PDZD8: variants seen among roughly 807,000 people sequenced by gnomAD.
The protein encoded by PDZD8 is PDZ domain containing 8.
A neutral mutation model predicts 85.8 loss-of-function variants in PDZD8; 14 were observed. The ratio of observed to expected loss-of-function variants is 0.16; its 90% CI spans 0.11 to 0.26. The LOEUF (loss-of-function observed/expected upper bound fraction) is 0.26, where lower values mean the gene tolerates loss of function less well. Ranked by LOEUF, PDZD8 falls within the 10% of genes least tolerant of loss-of-function variation. The pLI, the probability that PDZD8 is intolerant of heterozygous loss-of-function variation, is 1.00. For synonymous variants in PDZD8, 592 were observed against 568.6 expected (o/e 1.04, Z -0.59); for missense variants, 1,197 against 1,424.3 (o/e 0.84, Z 2.57).
chr10:117,370,249 C>T (rs1238815108), intron 1 of PDZD8, among the ~76,000 whole-genome samples: 1 of 152,090 alleles, frequency 6.6e-6, no homozygotes, highest in Non-Finnish European at 1.5e-5. Flanking sequence ...AAATGTTTTA[C>T]AAACATTGTA....
intron 2 of PDZD8, among the ~76,000 whole-genome samples, chr10:117,337,525 G>A (rs2133840830): frequency 6.6e-6 from 1 of 152,240 alleles, no homozygotes; most frequent in Middle Eastern, 3.4e-3. Context: ...TATTGCTTGG[G>A]AAATGCGAAA....
Position 117,284,869 on chromosome 10 carries a change from C to G in PDZD8, c.1864G>C (p.Val622Leu). The G allele has an allele frequency of 6.2e-7, 1 of 1,614,150 alleles. No homozygotes were observed. Among genetic ancestry groups the G allele is most frequent in the South Asian group, 1.1e-5 (1 of 91,078 alleles). ...PDVLVEKPEKVVPPPLVDKSA... is the reference protein window; with the variant it reads ...PDVLVEKPEKLVPPPLVDKSA... ...TTATCTACAAGAGGAGGTGGCACCACCTTCTCTGGCTTTTCAACGAGAACA... is the reference window on the plus strand; with the variant it reads ...TTATCTACAAGAGGAGGTGGCACCAGCTTCTCTGGCTTTTCAACGAGAACA... Residue 622 changes from valine (V) to leucine (L), a missense_variant, in exon 5 of 5, where the codon GTG becomes CTG. Coordinates refer to ENST00000334464, the MANE Select transcript of PDZD8 (RefSeq NM_173791.5).
intron 2 of PDZD8, among the ~76,000 whole-genome samples, chr10:117,337,279 A>G (rs1225153530): frequency 6.6e-6 from 1 of 152,248 alleles, no homozygotes; most frequent in Non-Finnish European, 1.5e-5. Flanking sequence ...ACTATAAATT[A>G]TAAATTTAAA....
intron 4 of PDZD8, 29 bp from the exon 5 acceptor site, chr10:117,285,500 T>A: frequency 4.6e-6 from 7 of 1,519,750 alleles, no homozygotes; most frequent in Non-Finnish European, 6.2e-6. Flanking sequence ...AGGGAAAACA[T>A]GTAAATTATT....
chr10:117,305,467 C>T (rs553127813), intron 3 of PDZD8, among the ~76,000 whole-genome samples: 3 of 105,340 alleles, frequency 2.8e-5, no homozygotes, highest in African/African-American at 6.8e-5. Context: ...TATATACACA[C>T]ACATACACAC....
chr10:117,313,582 C>T (rs1844074774), intron 3 of PDZD8, among the ~76,000 whole-genome samples: 1 of 152,090 alleles, frequency 6.6e-6, no homozygotes, highest in Non-Finnish European at 1.5e-5. Flanking sequence ...CTAATTGTGA[C>T]AAAATATTCT....
chr10:117,375,410 G>A lies in PDZD8; in HGVS notation c.-183C>T, dbSNP rs1000522064. The A allele has an allele frequency of 9.4e-6, 3 of 317,798 alleles. No homozygotes were observed. The highest frequency in any genetic ancestry group is 1.7e-5 in the Non-Finnish European group (3 of 179,042). The allele number at this position is 317,798 out of a possible 1,614,324, so 19.7% of individuals were successfully genotyped here. On this transcript the variant is annotated 5_prime_UTR_variant, in exon 1 of 5. Coordinates refer to ENST00000334464, the MANE Select transcript of PDZD8 (RefSeq NM_173791.5). ...GGCGCCCGAGCCCGCAGCGGCCCGCGCCTCCTCAGACGCTCCCGAAGGGCC... is the reference window on the plus strand; with the variant it reads ...GGCGCCCGAGCCCGCAGCGGCCCGCACCTCCTCAGACGCTCCCGAAGGGCC...
At chr10:117,322,053 G>A (rs1011826180) in intron 2 of PDZD8, among the ~76,000 whole-genome samples, 2 of 152,082 alleles carry the variant, frequency 1.3e-5, no homozygotes, top group African/African-American at 4.8e-5. Context: ...TTTTGTTTTG[G>A]ATTGTTACTG....
intron 2 of PDZD8, among the ~76,000 whole-genome samples, chr10:117,328,403 C>CT (rs964431065): frequency 8.7e-6 from 1 of 115,426 alleles, no homozygotes; most frequent in African/African-American, 3.0e-5. Context: ...TAAGATCTCT[C>CT]TTTTTTTATT....
chr10:117,337,568 T>A (rs1844538577), intron 2 of PDZD8, among the ~76,000 whole-genome samples: 1 of 152,200 alleles, frequency 6.6e-6, no homozygotes, highest in Non-Finnish European at 1.5e-5. Context: ...AGAACCTCCC[T>A]TTACAATATG....
intron 1 of PDZD8, among the ~76,000 whole-genome samples, chr10:117,346,802 C>G (rs923214581): frequency 6.6e-6 from 1 of 151,558 alleles, no homozygotes; most frequent in Admixed American, 6.6e-5. Context: ...GCATCATGGC[C>G]GCCGCCAGGT....
At chr10:117,364,734 C>T (rs1486680354) in intron 1 of PDZD8, among the ~76,000 whole-genome samples, 4 of 151,634 alleles carry the variant, frequency 2.6e-5, no homozygotes, top group Non-Finnish European at 2.9e-5. Flanking sequence ...GAAGTGGTGA[C>T]GAAAGATAAG....
At chr10:117,305,515 C>CACACAT (rs1324004968) in intron 3 of PDZD8, among the ~76,000 whole-genome samples, 29 of 135,926 alleles carry the variant, frequency 2.1e-4, no homozygotes, top group African/African-American at 6.6e-4. Flanking sequence ...CACACACACA[C>CACACAT]ATATATGGAG....
At chr10:117,347,742 A>C (rs978713882) in intron 1 of PDZD8, among the ~76,000 whole-genome samples, 1 of 152,230 alleles carries the variant, frequency 6.6e-6, no homozygotes, top group African/African-American at 2.4e-5. Context: ...AATAAGAATT[A>C]GTGAAACACA....
chr10:117,348,485 A>G (rs1195680978), intron 1 of PDZD8, among the ~76,000 whole-genome samples: 1 of 152,120 alleles, frequency 6.6e-6, no homozygotes, highest in Non-Finnish European at 1.5e-5. Context: ...GGCTTCCATA[A>G]CAGAACTCTG....
chr10:117,343,899 G>A (rs1045506844), intron 1 of PDZD8, among the ~76,000 whole-genome samples: 1 of 152,186 alleles, frequency 6.6e-6, no homozygotes, highest in Non-Finnish European at 1.5e-5. Context: ...GAATTTTTAA[G>A]TCCAAGTCTT....
At position 117,318,157 on chromosome 10, in the gene PDZD8, A is replaced by G. The variant is rs373601011; in HGVS notation, c.1098+715T>C. Among the ~76,000 whole-genome samples, 17 of 152,310 alleles carry G rather than the reference A, an allele frequency of 1.1e-4. No individual in the cohort carries two copies. The East Asian group carries it at 2.7e-3, about 24-fold the overall frequency. On this transcript the variant is annotated intron_variant, in intron 3 of 4. Transcript: ENST00000334464. ...GGTACATGCTTCTACTAAAATAATT[A>G]TTCACTATCTGAAATTCAGATTTAA...
Position 117,280,964 on chromosome 10 carries a change from T to C in PDZD8, c.*2304A>G, listed in dbSNP as rs1287436258. 6.6e-6 allele frequency: 1 copy of C among 152,218 alleles called. No individual in the cohort carries two copies. The highest frequency in any genetic ancestry group is 2.4e-5 in the African/African-American group (1 of 41,458). The allele number at this position is 152,218 out of a possible 1,614,324, so 9.4% of individuals were successfully genotyped here. A position where few individuals can be genotyped will look rare whatever the true frequency, so the allele number is the denominator to read the frequency against. The stretch of plus-strand genomic sequence containing the variant: ...AGGTTATCAATGGTAAGTTATTTTT[T>C]ATAAAGTGGTTACACACTGAGCAGA... On this transcript the variant is annotated 3_prime_UTR_variant, in exon 5 of 5. Coordinates refer to ENST00000334464, the MANE Select transcript of PDZD8 (RefSeq NM_173791.5).
At chr10:117,371,148 A>G (rs1017619212) in intron 1 of PDZD8, among the ~76,000 whole-genome samples, 1 of 152,174 alleles carries the variant, frequency 6.6e-6, no homozygotes, top group Non-Finnish European at 1.5e-5. Context: ...TGAAACTTGA[A>G]TCAGTCCCAC....
Sources: allele counts gnomAD v4.1 joint callset (sites outside exome capture counted in the v4.1 genomes callset), GRCh38; gene constraint gnomAD v4.1.1; transcripts MANE v1.5; gene names NCBI Gene and HGNC (gene_info 2026-07-23, HGNC 2026-07-21).